The following DCDC1 variants were observed in gnomAD, a reference collection of about 807,000 sequenced individuals.
The protein encoded by DCDC1 is doublecortin domain-containing protein 1.
In DCDC1, 200 loss-of-function variants were observed where a neutral mutation model predicts 178.3. The observed-to-expected ratio is 1.12, with a 90% CI of 1.00 to 1.26. DCDC1 has a LOEUF of 1.26. DCDC1 is among the 50% of genes most tolerant of loss of function. DCDC1 has a pLI of 0.00. For synonymous variants in DCDC1, 690 were observed against 604.8 expected, an observed-to-expected ratio of 1.14 and a Z score of -2.07; for missense variants, 1,983 against 1,749.2, an observed-to-expected ratio of 1.13 and a Z score of -2.38.
At chr11:31,029,072 G>C (rs545296304) in intron 20 of DCDC1, among the ~76,000 whole-genome samples, 17 of 152,020 alleles carry the variant, frequency 1.1e-4, no homozygotes, top group Non-Finnish European at 2.4e-4. Context: ...ACTTCGATCA[G>C]TGAGAGGAAA....
chr11:30,948,340 C>G (rs1260648192), intron 21 of DCDC1, among the ~76,000 whole-genome samples: 4 of 152,046 alleles, frequency 2.6e-5, no homozygotes, highest in African/African-American at 9.7e-5. Context: ...AACCACTGCT[C>G]AAGGAAATAA....
chr11:31,075,479 T>C (rs979611896), intron 18 of DCDC1, among the ~76,000 whole-genome samples: 20 of 152,318 alleles, frequency 1.3e-4, no homozygotes, highest in South Asian at 2.1e-4. Flanking sequence ...TTGCTTTCTA[T>C]ACAGGTTGCA....
chr11:31,339,539 C>A (rs759152516), intron 1 of DCDC1, among the ~76,000 whole-genome samples: 8 of 152,072 alleles, frequency 5.3e-5, no homozygotes, highest in South Asian at 2.1e-4. Flanking sequence ...GCTAGTAATA[C>A]CTGAATTAAC....
chr11:31,026,282 T>C (rs563444307), intron 20 of DCDC1, among the ~76,000 whole-genome samples: 17 of 151,714 alleles, frequency 1.1e-4, no homozygotes, highest in Non-Finnish European at 2.5e-4. Flanking sequence ...ATAGAATACA[T>C]GACACCGTAC....
chr11:31,189,120 A>C (rs903748981), intron 9 of DCDC1, among the ~76,000 whole-genome samples: 1 of 152,120 alleles, frequency 6.6e-6, no homozygotes, highest in African/African-American at 2.4e-5. Context: ...GTTGTTTATA[A>C]ATTACTCAGT....
intron 20 of DCDC1, among the ~76,000 whole-genome samples, chr11:31,022,208 C>T (rs1952918969): frequency 6.6e-6 from 1 of 152,172 alleles, no homozygotes; most frequent in South Asian, 2.1e-4. Context: ...CTTTCTGAAA[C>T]CTATAAGAGA....
intron 9 of DCDC1, among the ~76,000 whole-genome samples, chr11:31,144,195 T>A (rs923265056): frequency 6.6e-6 from 1 of 152,150 alleles, no homozygotes; most frequent in Non-Finnish European, 1.5e-5. Context: ...AGTGCAGTGG[T>A]ACAATCTTGG....
intron 20 of DCDC1, among the ~76,000 whole-genome samples, chr11:31,020,182 A>C (rs998674593): frequency 2.6e-5 from 4 of 152,226 alleles, no homozygotes; most frequent in Non-Finnish European, 5.9e-5. Flanking sequence ...AATAAATAAA[A>C]GATCAAAATA....
At chr11:31,167,113 T>C (rs1185929816) in intron 9 of DCDC1, among the ~76,000 whole-genome samples, 1 of 152,172 alleles carries the variant, frequency 6.6e-6, no homozygotes, top group Non-Finnish European at 1.5e-5. Context: ...GGAACTATTA[T>C]GCAACTATAT....
At chr11:31,266,643 G>A (rs1945185567) in intron 7 of DCDC1, among the ~76,000 whole-genome samples, 1 of 152,264 alleles carries the variant, frequency 6.6e-6, no homozygotes, top group Admixed American at 6.5e-5. Context: ...TATGATTATA[G>A]TAAACAGAAC....
At chr11:31,324,885 C>A (rs189661720) in intron 3 of DCDC1, among the ~76,000 whole-genome samples, 3 of 152,000 alleles carry the variant, frequency 2.0e-5, no homozygotes, top group African/African-American at 7.2e-5. Flanking sequence ...GAAAAAGTAA[C>A]CTAGATAATG....
intron 9 of DCDC1, among the ~76,000 whole-genome samples, chr11:31,179,590 T>C (rs1339625196): frequency 6.6e-6 from 1 of 152,208 alleles, no homozygotes; most frequent in African/African-American, 2.4e-5. Context: ...AAATACCATA[T>C]GATCTCACTC....
rs1472772672 is a variant in DCDC1 at position 31,127,547 on chromosome 11, C to A, written c.1407G>T (p.Glu469Asp). The change falls in exon 11 of 39, where the codon GAG (glutamate) becomes GAT (aspartate). Residue 469 changes from glutamate (E) to aspartate (D), a missense_variant. Physicochemically the swap from Glu to Asp is conservative, Grantham distance 45 (BLOSUM62 2). Coordinates refer to ENST00000684477, the MANE Select transcript of DCDC1 (RefSeq NM_001387274.1). ...KLGPQLQAEQ[E>D]QFSSYVYQHI... ...GTTGGTAGACATAAGAGGAGAATTG[C>A]TCCTGCTCAGCCTGTAATTGGGGGC... 1.0e-5 allele frequency: 7 copies of A among 702,652 alleles called. No homozygotes were observed. The highest frequency in any genetic ancestry group is 1.7e-5 in the African/African-American group (1 of 57,230). 43.5% of individuals were successfully genotyped at this position (702,652 alleles called of 1,614,324 possible). A position where few individuals can be genotyped will look rare whatever the true frequency, so the allele number is the denominator to read the frequency against.
chr11:30,940,416 C>G (rs1467117993), intron 21 of DCDC1, among the ~76,000 whole-genome samples: 1 of 152,124 alleles, frequency 6.6e-6, no homozygotes, highest in Non-Finnish European at 1.5e-5. Flanking sequence ...TTTCCATACA[C>G]GGTTGTGTTT....
chr11:30,918,232 G>A (rs1945996599), intron 25 of DCDC1, among the ~76,000 whole-genome samples: 1 of 152,100 alleles, frequency 6.6e-6, no homozygotes. Flanking sequence ...TTCTCTATCA[G>A]CTCTTGAACT....
intron 9 of DCDC1, among the ~76,000 whole-genome samples, chr11:31,218,803 TAACTAGTATATTAG>T (rs1301901995): frequency 6.6e-6 from 1 of 152,176 alleles, no homozygotes; most frequent in East Asian, 1.9e-4. Context: ...TCACTCCCAT[TAACTAGTATATTAG>T]TTGTGTACCA....
chr11:31,109,029 C>T (rs1013750557), intron 12 of DCDC1, among the ~76,000 whole-genome samples: 4 of 152,042 alleles, frequency 2.6e-5, no homozygotes, highest in African/African-American at 9.7e-5. Context: ...AATGTTTTTG[C>T]CCCAGATTTA....
chr11:31,092,751 T>C (rs984021992), intron 16 of DCDC1, among the ~76,000 whole-genome samples: 1 of 152,172 alleles, frequency 6.6e-6, no homozygotes, highest in African/African-American at 2.4e-5. Flanking sequence ...CCATAGCAAC[T>C]GGTCCAACTC....
rs146094846 is a variant in DCDC1 at position 31,209,072 on chromosome 11, C to T, written c.1221+32378G>A. On this transcript the variant is annotated intron_variant, in intron 9 of 38. Coordinates refer to ENST00000684477, the MANE Select transcript of DCDC1 (RefSeq NM_001387274.1). The stretch of plus-strand genomic sequence containing the variant: ...TAGTAGATACTCAAATAAATACATG[C>T]CATTGAACATGGAATTTGAGGGGTC... Among the ~76,000 whole-genome samples, 15 of 152,190 alleles carry T rather than the reference C, an allele frequency of 9.9e-5. No homozygotes were observed. In the East Asian group the frequency reaches 2.3e-3, roughly 24 times the overall value.
Sources: allele counts gnomAD v4.1 joint callset (sites outside exome capture counted in the v4.1 genomes callset), GRCh38; gene constraint gnomAD v4.1.1; transcripts MANE v1.5; gene names NCBI Gene and HGNC (gene_info 2026-07-23, HGNC 2026-07-21).